The following VGLL4 variants were observed in gnomAD, a reference collection of about 807,000 sequenced individuals.
The protein encoded by VGLL4 is transcription cofactor vestigial-like protein 4.
In VGLL4, 7 loss-of-function variants were observed where a neutral mutation model predicts 21.0. That is an observed-to-expected ratio of 0.33 (90% CI 0.19 to 0.63). The LOEUF is 0.63. VGLL4 is among the 20% of genes least tolerant of loss of function. The probability of loss-of-function intolerance (pLI) is 0.78; values close to 1 mark genes in which losing one functional copy is unlikely to be tolerated. For missense variants in VGLL4, 394 were observed against 425.7 expected (o/e 0.93, Z 0.66); for synonymous variants, 222 against 173.2 (o/e 1.28, Z -2.21).
chr3:11,615,291 C>T (rs1193759633), intron 1 of VGLL4, among the ~76,000 whole-genome samples: 1 of 152,174 alleles, frequency 6.6e-6, no homozygotes. Context: ...TGTCATGTTT[C>T]TTTAATCTCC....
intron 1 of VGLL4, among the ~76,000 whole-genome samples, chr3:11,704,383 C>CAAAA (rs57593843): frequency 4.3e-5 from 3 of 69,156 alleles, no homozygotes; most frequent in Admixed American, 3.8e-4. Flanking sequence ...AACTCCGTCT[C>CAAAA]AAAAAAAAAA....
intron 1 of VGLL4, among the ~76,000 whole-genome samples, chr3:11,613,340 G>C (rs980706252): frequency 6.6e-6 from 1 of 152,062 alleles, no homozygotes; most frequent in African/African-American, 2.4e-5. Context: ...GCCCTGAGAT[G>C]GTTGAGTCCT....
chr3:11,615,401 C>G (rs1279098447), intron 1 of VGLL4, among the ~76,000 whole-genome samples: 1 of 152,188 alleles, frequency 6.6e-6, no homozygotes, highest in South Asian at 2.1e-4. Context: ...CTAATCATTT[C>G]TTTATGATTA....
At position 11,673,675 on chromosome 3, in the gene VGLL4, C is replaced by T. The variant is rs572632650; in HGVS notation, c.64+29296G>A. Among the ~76,000 whole-genome samples the T allele has an allele frequency of 7.2e-5, 11 of 152,076 alleles. No homozygotes were observed. In the South Asian group the frequency reaches 2.3e-3, roughly 32 times the overall value. ...GAACACTAGGGACAAACAGAAGATC[C>T]CAACAGTTTCCAGAGAGAAAAAACT... On this transcript the variant is annotated intron_variant, in intron 2 of 5. Transcript: ENST00000273038.
At chr3:11,628,891 G>C (rs939739921) in intron 1 of VGLL4, among the ~76,000 whole-genome samples, 5 of 152,110 alleles carry the variant, frequency 3.3e-5, no homozygotes, top group African/African-American at 1.2e-4. Flanking sequence ...ATACTACTTT[G>C]GACCAAACAA....
At chr3:11,657,098 C>G (rs1461150177) in intron 2 of VGLL4, among the ~76,000 whole-genome samples, 2 of 152,184 alleles carry the variant, frequency 1.3e-5, no homozygotes, top group African/African-American at 4.8e-5. Context: ...TCAGAAAAAT[C>G]CAGTTCCCAG....
chr3:11,704,383 CAAAAAAAAA>C (rs57593843), intron 1 of VGLL4, among the ~76,000 whole-genome samples: 2 of 69,152 alleles, frequency 2.9e-5, no homozygotes, highest in South Asian at 5.3e-4. Context: ...AACTCCGTCT[CAAAAAAAAA>C]AAAAAAAAAA....
intron 2 of VGLL4, among the ~76,000 whole-genome samples, chr3:11,573,121 G>A (rs1295385269): frequency 2.0e-5 from 3 of 151,572 alleles, no homozygotes; most frequent in African/African-American, 4.9e-5. Context: ...AGCCAAGATC[G>A]AGCCATTGCA....
At chr3:11,584,251 G>T (rs2125231278) in intron 2 of VGLL4, among the ~76,000 whole-genome samples, 1 of 152,102 alleles carries the variant, frequency 6.6e-6, no homozygotes, top group South Asian at 2.1e-4. Context: ...AAAAAGACAA[G>T]GTATAAACAA....
chr3:11,611,241 A>G (rs958035861), intron 1 of VGLL4, among the ~76,000 whole-genome samples: 1 of 152,208 alleles, frequency 6.6e-6, no homozygotes, highest in Non-Finnish European at 1.5e-5. Flanking sequence ...ACATGGCTGT[A>G]TTTGAAGACA....
At chr3:11,593,440 T>C (rs1035459296) in intron 2 of VGLL4, among the ~76,000 whole-genome samples, 7 of 152,252 alleles carry the variant, frequency 4.6e-5, no homozygotes, top group African/African-American at 1.7e-4. Context: ...TCCTATTATA[T>C]GCCCAGCACC....
chr3:11,588,708 G>C (rs1378870494), intron 2 of VGLL4, among the ~76,000 whole-genome samples: 1 of 152,236 alleles, frequency 6.6e-6, no homozygotes, highest in African/African-American at 2.4e-5. Context: ...CCAGACAAAT[G>C]GAAAGAGAGT....
chr3:11,606,825 T>TCC (rs1170654715), intron 1 of VGLL4, among the ~76,000 whole-genome samples: 1 of 151,936 alleles, frequency 6.6e-6, no homozygotes, highest in South Asian at 2.1e-4. Context: ...CCCACTCAAG[T>TCC]CCCCTTCCAC....
intron 3 of VGLL4, among the ~76,000 whole-genome samples, chr3:11,564,193 A>G (rs1198140528): frequency 1.3e-5 from 2 of 152,168 alleles, no homozygotes; most frequent in Non-Finnish European, 2.9e-5. Context: ...TTTTAAAAAG[A>G]TTTGTTTCTA....
Position 11,558,475 on chromosome 3 carries a change from A to ATTTT in VGLL4, c.*77_*80dup. ...CCCTTCCCCCCACCCCACCCCCATG[A>ATTTT]TTTTTTTTTTTTTAAGTACTGACTG... is the stretch of plus-strand genomic sequence containing the variant. On this transcript the variant is annotated 3_prime_UTR_variant, in exon 5 of 5. Coordinates refer to ENST00000430365, the MANE Select transcript of VGLL4 (RefSeq NM_001128219.3). 1 of 789,780 alleles carries ATTTT rather than the reference A, an allele frequency of 1.3e-6. No homozygotes were observed. Among genetic ancestry groups the ATTTT allele is most frequent in the South Asian group, 2.0e-5 (1 of 50,880 alleles). 48.9% of individuals were successfully genotyped at this position (789,780 alleles called of 1,614,324 possible).
intron 2 of VGLL4, among the ~76,000 whole-genome samples, chr3:11,599,520 AT>A (rs2074731569): frequency 3.4e-5 from 1 of 29,628 alleles, no homozygotes; most frequent in South Asian, 1.1e-3. Context: ...CTACAAAATT[AT>A]TTTCTTTTTT....
intron 1 of VGLL4, among the ~76,000 whole-genome samples, chr3:11,613,086 C>A (rs972327708): frequency 6.6e-6 from 1 of 151,786 alleles, no homozygotes; most frequent in African/African-American, 2.4e-5. Context: ...GAGGCTTGTT[C>A]AAACCTCTTC....
chr3:11,671,140 G>T, intron 2 of VGLL4: 3 of 1,146,292 alleles, frequency 2.6e-6, no homozygotes, highest in Non-Finnish European at 3.6e-6. Flanking sequence ...GTGTTTTCAT[G>T]AAGTAATGAG....
At chr3:11,696,664 T>C (rs1367186995) in intron 2 of VGLL4, among the ~76,000 whole-genome samples, 1 of 152,226 alleles carries the variant, frequency 6.6e-6, no homozygotes, top group African/African-American at 2.4e-5. Context: ...TCTATTTAAA[T>C]AGAGTGCAAA....
Sources: allele counts gnomAD v4.1 joint callset (sites outside exome capture counted in the v4.1 genomes callset), GRCh38; gene constraint gnomAD v4.1.1; transcripts MANE v1.5; gene names NCBI Gene and HGNC (gene_info 2026-07-23, HGNC 2026-07-21).